MICU1: variants seen among roughly 807,000 people sequenced by gnomAD.
MICU1 encodes the protein calcium uptake protein 1, mitochondrial.
MICU1 carries 45 observed loss-of-function variants against 56.8 expected under a neutral mutation model. The ratio of observed to expected loss-of-function variants is 0.79; its 90% confidence interval spans 0.62 to 1.02. The LOEUF is 1.02. Among genes scored for constraint, MICU1 ranks in the 50% least tolerant of loss-of-function variants. The probability of loss-of-function intolerance (pLI) is 0.00; values close to 1 mark genes in which losing one functional copy is unlikely to be tolerated. For synonymous variants in MICU1, 186 were observed against 195.1 expected (o/e 0.95, Z 0.39); for missense variants, 504 against 587.1 (o/e 0.86, Z 1.46).
At chr10:72,520,872 T>C (rs914304278) in intron 5 of MICU1, among the ~76,000 whole-genome samples, 2 of 152,110 alleles carry the variant, frequency 1.3e-5, no homozygotes, top group Non-Finnish European at 2.9e-5. Flanking sequence ...TTATCAAAAC[T>C]CTAGAAGGAG....
rs34078046 is a variant in MICU1, at chr10:72,451,171, T to C, written c.933+23929A>G. On this transcript the variant is annotated intron_variant, in intron 8 of 11. Coordinates refer to ENST00000361114, the MANE Select transcript of MICU1 (RefSeq NM_001195518.2). The stretch of plus-strand genomic sequence containing the variant: ...TCCCAAGTAGCTGGGATTATGGGCA[T>C]GTGCCACCATGCCCAGCTAATTTTT... Among the ~76,000 whole-genome samples, 949 of 151,596 alleles carry C rather than the reference T, an allele frequency of 6.3e-3. 16 individuals are homozygous for C. The highest frequency in any genetic ancestry group is 7.4e-3 in the Non-Finnish European group (499 of 67,852).
intron 8 of MICU1, among the ~76,000 whole-genome samples, chr10:72,429,003 C>T (rs1331152543): frequency 3.3e-5 from 5 of 152,156 alleles, no homozygotes; most frequent in East Asian, 1.9e-4. Context: ...TTACCCGTTC[C>T]GAGGGTTCAA....
Position 72,554,996 on chromosome 10 carries a change from T to TA in MICU1, c.331-3656dup, listed in dbSNP as rs1840124281. Among the ~76,000 whole-genome samples the TA allele has an allele frequency of 2.6e-5, 4 of 152,160 alleles. 1 individual carries two copies. The highest frequency in any genetic ancestry group is 9.6e-5 in the African/African-American group (4 of 41,534). ...TGCCACTGCACTCCAGCCTGGGTGA[T>TA]AGAGAGAGACTCTATCTCAAAACAA... is the stretch of plus-strand genomic sequence containing the variant. On this transcript the variant is annotated intron_variant, in intron 3 of 11. Coordinates refer to ENST00000361114, the MANE Select transcript of MICU1 (RefSeq NM_001195518.2).
chr10:72,591,842 T>C (rs1841233166), intron 1 of MICU1, among the ~76,000 whole-genome samples: 1 of 151,570 alleles, frequency 6.6e-6, no homozygotes, highest in Admixed American at 6.6e-5. Flanking sequence ...CTAAACCCCA[T>C]CTCTACCAAA....
chr10:72,534,042 T>C (rs1026275069), intron 4 of MICU1, among the ~76,000 whole-genome samples: 1 of 152,132 alleles, frequency 6.6e-6, no homozygotes, highest in Non-Finnish European at 1.5e-5. Flanking sequence ...TATTCAACAG[T>C]AGAGTCCAGT....
At chr10:72,428,424 G>T (rs1864418373) in intron 8 of MICU1, among the ~76,000 whole-genome samples, 1 of 152,164 alleles carries the variant, frequency 6.6e-6, no homozygotes, top group Non-Finnish European at 1.5e-5. Flanking sequence ...CAATTCTCCT[G>T]CCTAAGCCTC....
chr10:72,532,860 G>T (rs561885949), intron 5 of MICU1: 1 of 1,124,274 alleles, frequency 8.9e-7, no homozygotes, highest in East Asian at 6.2e-5. Context: ...TTGTATAAAA[G>T]AGCTCAACAC....
intron 8 of MICU1, among the ~76,000 whole-genome samples, chr10:72,465,480 A>G (rs937472931): frequency 1.4e-5 from 2 of 147,022 alleles, no homozygotes; most frequent in Non-Finnish European, 3.0e-5. Flanking sequence ...TTGCCGTCAC[A>G]TGGAACATGT....
chr10:72,410,948 G>A (rs1863789064), intron 9 of MICU1, among the ~76,000 whole-genome samples: 1 of 152,172 alleles, frequency 6.6e-6, no homozygotes, highest in Non-Finnish European at 1.5e-5. Flanking sequence ...GACACATAAA[G>A]GTGGAGGCAA....
At chr10:72,491,015 C>T (rs1489781697) in intron 6 of MICU1, among the ~76,000 whole-genome samples, 2 of 152,146 alleles carry the variant, frequency 1.3e-5, no homozygotes, top group Non-Finnish European at 2.9e-5. Context: ...GAGCCAAACA[C>T]CAAACAGAAT....
intron 10 of MICU1, among the ~76,000 whole-genome samples, chr10:72,380,177 A>C (rs372795341): frequency 8.5e-5 from 13 of 152,128 alleles, no homozygotes; most frequent in Admixed American, 8.5e-4. Context: ...TGGCCTCCCT[A>C]TTTGATGATG....
chr10:72,392,918 A>G (rs1429476511), intron 10 of MICU1, among the ~76,000 whole-genome samples: 4 of 152,218 alleles, frequency 2.6e-5, no homozygotes, highest in Admixed American at 6.5e-5. Context: ...AGGATTTGGA[A>G]AGGCTAGCTG....
chr10:72,479,661 G>A (rs181285882), intron 6 of MICU1, among the ~76,000 whole-genome samples: 1 of 152,138 alleles, frequency 6.6e-6, no homozygotes, highest in African/African-American at 2.4e-5. Context: ...GAGTAGCTAG[G>A]ACTACAGGTG....
rs762291333 is a variant in MICU1 at position 72,551,163 on chromosome 10, C to T, written c.493+16G>A. On this transcript the variant is annotated intron_variant, in intron 4 of 11. Coordinates refer to ENST00000361114, the MANE Select transcript of MICU1 (RefSeq NM_001195518.2). ...AAATAAATATCACAGTCTTATATTT[C>T]ACTTTAGCAACTTACGTTCTGGTTG... 3.5e-5 allele frequency: 56 copies of T among 1,587,618 alleles called. 1 individual carries two copies. The East Asian group carries it at 1.2e-3, about 33-fold the overall frequency.
intron 8 of MICU1, among the ~76,000 whole-genome samples, chr10:72,455,708 A>G (rs1320222780): frequency 6.6e-6 from 1 of 152,202 alleles, no homozygotes; most frequent in African/African-American, 2.4e-5. Context: ...AACACAACAT[A>G]TCTTTCTGGC....
chr10:72,393,336 T>C (rs1036637965), intron 10 of MICU1, among the ~76,000 whole-genome samples: 7 of 152,082 alleles, frequency 4.6e-5, no homozygotes, highest in African/African-American at 1.4e-4. Flanking sequence ...TGATACAGGA[T>C]GATGGAACTA....
chr10:72,481,755 A>G (rs1866305413), intron 6 of MICU1, among the ~76,000 whole-genome samples: 1 of 152,180 alleles, frequency 6.6e-6, no homozygotes, highest in Non-Finnish European at 1.5e-5. Context: ...TAGAGTGAAG[A>G]GTGAGGCTTT....
At chr10:72,397,522 T>G (rs965796720) in intron 10 of MICU1, among the ~76,000 whole-genome samples, 2 of 152,206 alleles carry the variant, frequency 1.3e-5, no homozygotes, top group Non-Finnish European at 2.9e-5. Context: ...ATCAGTGTGC[T>G]GTATTTAGGA....
chr10:72,564,543 A>AG (rs1840377333), intron 2 of MICU1, among the ~76,000 whole-genome samples: 2 of 119,062 alleles, frequency 1.7e-5, no homozygotes, highest in South Asian at 2.8e-4. Flanking sequence ...CATCTCAAAA[A>AG]GAAAAAAAAA....
Sources: allele counts gnomAD v4.1 joint callset (sites outside exome capture counted in the v4.1 genomes callset), GRCh38; gene constraint gnomAD v4.1.1; transcripts MANE v1.5; gene names NCBI Gene and HGNC (gene_info 2026-07-23, HGNC 2026-07-21).